The following PIK3CB variants were observed in gnomAD, a reference collection of about 807,000 sequenced individuals.
PIK3CB encodes phosphatidylinositol-4,5-bisphosphate 3-kinase catalytic subunit beta.
In PIK3CB, 39 loss-of-function variants were observed where a neutral mutation model predicts 136.8. That is an observed-to-expected ratio of 0.29 (90% confidence interval 0.22 to 0.37). The LOEUF is 0.37. Ranked by LOEUF, PIK3CB falls within the 10% of genes least tolerant of loss-of-function variation. The pLI is 1.00. For synonymous variants in PIK3CB, 428 were observed against 436.6 expected, an observed-to-expected ratio of 0.98 and a Z score of 0.25; for missense variants, 868 against 1,275.4, an observed-to-expected ratio of 0.68 and a Z score of 4.87.
At chr3:138,816,646 A>G (rs897493943) in intron 1 of PIK3CB, among the ~76,000 whole-genome samples, 4 of 151,860 alleles carry the variant, frequency 2.6e-5, no homozygotes, top group African/African-American at 4.8e-5. Flanking sequence ...AAAAATAAAA[A>G]ATAGAAACCA....
At chr3:138,770,918 G>T (rs2045791250) in intron 2 of PIK3CB, among the ~76,000 whole-genome samples, 1 of 151,766 alleles carries the variant, frequency 6.6e-6, no homozygotes, top group Non-Finnish European at 1.5e-5. Flanking sequence ...CACCATGTTG[G>T]CCAGGCTAGT....
chr3:138,730,710 G>A (rs2044952792), intron 8 of PIK3CB, among the ~76,000 whole-genome samples: 1 of 152,082 alleles, frequency 6.6e-6, no homozygotes. Flanking sequence ...ACTGCTTGAG[G>A]CTAGGAGTTC....
At chr3:138,824,724 T>C (rs1933705011) in intron 1 of PIK3CB, among the ~76,000 whole-genome samples, 2 of 150,376 alleles carry the variant, frequency 1.3e-5, no homozygotes, top group Admixed American at 1.3e-4. Context: ...GAAGGAGATA[T>C]ACATTCTCGG....
At chr3:138,665,537 C>T (rs531917467) in intron 19 of PIK3CB, among the ~76,000 whole-genome samples, 1 of 152,272 alleles carries the variant, frequency 6.6e-6, no homozygotes, top group Admixed American at 6.5e-5. Flanking sequence ...GGGAAATAAA[C>T]TACTCTTTAT....
chr3:138,774,732 T>C (rs1275476577), intron 2 of PIK3CB, among the ~76,000 whole-genome samples: 4 of 152,202 alleles, frequency 2.6e-5, no homozygotes, highest in Non-Finnish European at 5.9e-5. Flanking sequence ...ACTGAACCAG[T>C]GCCAGAAAGC....
At chr3:138,812,631 G>A (rs369410518) in intron 1 of PIK3CB, among the ~76,000 whole-genome samples, 23 of 151,740 alleles carry the variant, frequency 1.5e-4, no homozygotes, top group African/African-American at 5.1e-4. Context: ...GGGTTCAAGC[G>A]ATTCTCCTGC....
rs538585960 is a variant in PIK3CB, at chr3:138,655,458, C to G, written c.3144G>C (p.Ala1048=). ...CTTTAGTAGTCCAGCTTTCCCTGAG[C>G]GCCTCATCAAATTTTTGCTTAAACT... ...LKQFKQKFDE[A]LRESWTTKVN... is the part of the protein sequence containing the mutation. The change falls in exon 24 of 24, where the codon GCG becomes GCC. Residue 1048 remains alanine, a synonymous_variant. Transcript: ENST00000674063. 2 of 1,613,300 alleles carry G rather than the reference C, an allele frequency of 1.2e-6. No homozygotes were observed. Among genetic ancestry groups the G allele is most frequent in the Admixed American group, 3.3e-5 (2 of 60,012 alleles).
rs182137586 is a variant in PIK3CB at position 138,734,018 on chromosome 3, T to A, written c.973-580A>T. On this transcript the variant is annotated intron_variant, in intron 7 of 23. Transcript: ENST00000674063. ...AACAAATAGTAATAAAAGCTTTGTA[T>A]AAATTAAGAGCTGACCATTTATATT... 3.3e-3 allele frequency among the ~76,000 whole-genome samples: 499 copies of A among 152,276 alleles called. 6 individuals carry two copies. The highest frequency in any genetic ancestry group is 0.01 in the African/African-American group (424 of 41,566).
intron 4 of PIK3CB, among the ~76,000 whole-genome samples, chr3:138,748,230 C>T (rs796953573): frequency 7.9e-5 from 12 of 151,642 alleles, no homozygotes; most frequent in African/African-American, 2.9e-4. Flanking sequence ...CAATCGTAAT[C>T]TCAACCTGAG....
At chr3:138,791,069 T>C (rs1392657446) in intron 2 of PIK3CB, among the ~76,000 whole-genome samples, 1 of 152,136 alleles carries the variant, frequency 6.6e-6, no homozygotes, top group African/African-American at 2.4e-5. Flanking sequence ...CCTACCTCCC[T>C]GTGGTGTTCA....
At chr3:138,772,324 G>A (rs933456618) in intron 2 of PIK3CB, among the ~76,000 whole-genome samples, 2 of 152,082 alleles carry the variant, frequency 1.3e-5, no homozygotes, top group Non-Finnish European at 2.9e-5. Context: ...TTTATTCAAC[G>A]TGCCTTTAAT....
intron 2 of PIK3CB, among the ~76,000 whole-genome samples, chr3:138,773,531 ACT>A (rs2045824500): frequency 6.6e-6 from 1 of 152,136 alleles, no homozygotes; most frequent in Non-Finnish European, 1.5e-5. Context: ...AAGTCATATC[ACT>A]CTATTATTCC....
In PIK3CB at chr3:138,655,093, A is replaced by T. The variant is rs1393064814; in HGVS notation, c.*296T>A. 3 of 352,254 alleles carry T rather than the reference A, an allele frequency of 8.5e-6. No homozygotes were observed. In the Admixed American group the frequency reaches 1.3e-4, roughly 15 times the overall value. 21.8% of individuals were successfully genotyped at this position (352,254 alleles called of 1,614,324 possible). The stretch of plus-strand genomic sequence containing the variant: ...TCTGGGAAGTACCAAATATTAGAAA[A>T]AACAAACAAAAACGGAAACAATCCC... On this transcript the variant is annotated 3_prime_UTR_variant, in exon 24 of 24. Coordinates refer to ENST00000674063, the MANE Select transcript of PIK3CB (RefSeq NM_006219.3).
At chr3:138,684,185 T>C (rs769890111) in intron 17 of PIK3CB, among the ~76,000 whole-genome samples, 2 of 152,220 alleles carry the variant, frequency 1.3e-5, no homozygotes, top group Non-Finnish European at 2.9e-5. Context: ...ACTGATAATA[T>C]ACTGAATACA....
chr3:138,718,917 A>G (rs2044668547), intron 8 of PIK3CB, among the ~76,000 whole-genome samples: 2 of 152,026 alleles, frequency 1.3e-5, no homozygotes, highest in South Asian at 2.1e-4. Context: ...CTATTTTTGT[A>G]TTAGATATGA....
At chr3:138,709,945 G>A (rs1226413912) in intron 10 of PIK3CB, among the ~76,000 whole-genome samples, 1 of 151,296 alleles carries the variant, frequency 6.6e-6, no homozygotes, top group Non-Finnish European at 1.5e-5. Context: ...GGGAGGCTGA[G>A]GAGGTGAAAA....
Position 138,742,955 on chromosome 3 carries a change from A to C in PIK3CB, c.398-174T>G, listed in dbSNP as rs73229578. On this transcript the variant is annotated intron_variant, in intron 4 of 23. Transcript: ENST00000674063. ...TTAAAGATCAAAAAACCCAGATAAA[A>C]CAATAAATCTCATGTACAGAAGACA... Among the ~76,000 whole-genome samples the C allele has an allele frequency of 2.9e-3, 435 of 152,322 alleles. 2 individuals are homozygous for C. Among genetic ancestry groups the C allele is most frequent in the Non-Finnish European group, 5.0e-3 (337 of 68,034 alleles).
intron 15 of PIK3CB, 73 bp downstream of exon 15, chr3:138,690,927 T>C: frequency 8.4e-7 from 1 of 1,190,174 alleles, no homozygotes; most frequent in African/African-American, 1.5e-5. Flanking sequence ...GCTATTTTTC[T>C]ATTAAATATA....
chr3:138,732,694 T>C (rs1342076349), intron 8 of PIK3CB, among the ~76,000 whole-genome samples: 1 of 145,772 alleles, frequency 6.9e-6, no homozygotes, highest in Non-Finnish European at 1.5e-5. Flanking sequence ...ACATGTTCTC[T>C]GTGCTCAGTT....
Sources: allele counts gnomAD v4.1 joint callset (sites outside exome capture counted in the v4.1 genomes callset), GRCh38; gene constraint gnomAD v4.1.1; transcripts MANE v1.5; gene names NCBI Gene and HGNC (gene_info 2026-07-23, HGNC 2026-07-21).